The following TCF4 variants were observed in gnomAD, a reference collection of about 807,000 sequenced individuals.
TCF4 encodes SL3-3 enhancer factor 2.
TCF4 carries 3 observed loss-of-function variants against 82.1 expected under a neutral mutation model. That is an observed-to-expected ratio of 0.04 (90% confidence interval 0.02 to 0.09). TCF4 has a LOEUF of 0.09. TCF4 is among the 10% of genes least tolerant of loss of function. TCF4 has a pLI of 1.00. For missense variants in TCF4, 518 were observed against 852.7 expected (o/e 0.61, Z 4.89); for synonymous variants, 276 against 309.6 (o/e 0.89, Z 1.14).
chr18:55,548,701 G>A (rs962159143), intron 3 of TCF4, among the ~76,000 whole-genome samples: 3 of 152,160 alleles, frequency 2.0e-5, no homozygotes, highest in African/African-American at 7.2e-5. Context: ...ATTGCTCCAA[G>A]GCTACAAACC....
intron 8 of TCF4, among the ~76,000 whole-genome samples, chr18:55,311,585 T>G (rs912404379): frequency 2.0e-5 from 3 of 152,240 alleles, no homozygotes; most frequent in South Asian, 4.1e-4. Flanking sequence ...TCGAGGAGTA[T>G]CTTCTTTCAA....
chr18:55,272,042 G>A (rs1311769402), intron 10 of TCF4, among the ~76,000 whole-genome samples: 1 of 152,036 alleles, frequency 6.6e-6, no homozygotes, highest in Non-Finnish European at 1.5e-5. Flanking sequence ...ATCAGAAGAT[G>A]AAACAAAACA....
At chr18:55,366,216 G>T (rs2087076600) in intron 6 of TCF4, among the ~76,000 whole-genome samples, 1 of 152,132 alleles carries the variant, frequency 6.6e-6, no homozygotes, top group Non-Finnish European at 1.5e-5. Context: ...TTGTTCATTT[G>T]AAGGTTCACA....
At position 55,422,220 on chromosome 18, in the gene TCF4, C is replaced by G. The variant is rs1283270837; in HGVS notation, c.305-18702G>C. 5.1e-6 allele frequency: 5 copies of G among 983,440 alleles called. No homozygotes were observed. The East Asian group carries it at 5.7e-4, about 113-fold the overall frequency. 60.9% of individuals were successfully genotyped at this position (983,440 alleles called of 1,614,324 possible). A position where few individuals can be genotyped will look rare whatever the true frequency, so the allele number is the denominator to read the frequency against. ...ATGGGTAGCACGCCGAGGGAGGCAC[C>G]AGAAGATCTAAGCCCAAATACGTGA... On this transcript the variant is annotated intron_variant, in intron 5 of 19. Transcript: ENST00000354452.
chr18:55,363,523 G>A (rs2086032387), intron 6 of TCF4, among the ~76,000 whole-genome samples: 1 of 152,168 alleles, frequency 6.6e-6, no homozygotes, highest in African/African-American at 2.4e-5. Flanking sequence ...ACATTACCCA[G>A]CTGGGCGTAG....
intron 1 of TCF4, among the ~76,000 whole-genome samples, chr18:55,634,197 A>T (rs558511234): frequency 6.6e-6 from 1 of 152,128 alleles, no homozygotes; most frequent in Admixed American, 6.5e-5. Context: ...TGAGCCCAGG[A>T]GGTGGAGGTT....
intron 14 of TCF4, 128 bp downstream of exon 14, chr18:55,257,187 C>G: frequency 1.0e-6 from 1 of 967,760 alleles, no homozygotes. Context: ...CTCCCGCAAA[C>G]CTGTGTGCTT....
At chr18:55,595,188 T>C (rs933456243) in intron 2 of TCF4, among the ~76,000 whole-genome samples, 5 of 152,234 alleles carry the variant, frequency 3.3e-5, no homozygotes, top group African/African-American at 7.2e-5. Flanking sequence ...TGTAACTTCA[T>C]GGACACTAAG....
At chr18:55,231,166 T>G (rs2047823481) in intron 17 of TCF4, 1 of 152,208 alleles carries the variant, frequency 6.6e-6, no homozygotes, top group African/African-American at 2.4e-5. Flanking sequence ...TATTCTACTA[T>G]GCAAATAGGC....
At chr18:55,585,582 C>CA (rs1464755766) in intron 2 of TCF4, 1 of 613,284 alleles carries the variant, frequency 1.6e-6, no homozygotes, top group African/African-American at 1.9e-5. Context: ...ATTAGATGGC[C>CA]AAGCAGTACT....
At chr18:55,360,278 G>T (rs984766469) in intron 6 of TCF4, among the ~76,000 whole-genome samples, 3 of 152,142 alleles carry the variant, frequency 2.0e-5, no homozygotes, top group African/African-American at 7.2e-5. Context: ...CAATAGGCTG[G>T]GTCAGCTAGG....
chr18:55,302,741 A>G, intron 8 of TCF4: 1 of 812,940 alleles, frequency 1.2e-6, no homozygotes. Flanking sequence ...AGCCACCCAA[A>G]TGACCAGGCA....
At chr18:55,486,890 C>T (rs1039602664) in intron 3 of TCF4, among the ~76,000 whole-genome samples, 2 of 152,080 alleles carry the variant, frequency 1.3e-5, no homozygotes, top group Admixed American at 1.3e-4. Flanking sequence ...TTGCCAACCC[C>T]CTCCCCTCCT....
chr18:55,574,385 C>T (rs955084694), intron 3 of TCF4, among the ~76,000 whole-genome samples: 1 of 152,072 alleles, frequency 6.6e-6, no homozygotes, highest in Non-Finnish European at 1.5e-5. Flanking sequence ...AGGGCAGTGG[C>T]GCAATTTCAG....
chr18:55,232,756 C>A, intron 16 of TCF4, 85 bp from the exon 17 acceptor site: 2 of 1,514,268 alleles, frequency 1.3e-6, no homozygotes, highest in South Asian at 1.1e-5. Flanking sequence ...GCAGACAATT[C>A]ATACTGCTGA....
At chr18:55,509,082 C>T (rs1164407592) in intron 3 of TCF4, among the ~76,000 whole-genome samples, 1 of 152,134 alleles carries the variant, frequency 6.6e-6, no homozygotes, top group African/African-American at 2.4e-5. Flanking sequence ...ATAATCCACA[C>T]TAAAAATCAG....
intron 3 of TCF4, among the ~76,000 whole-genome samples, chr18:55,466,562 C>G (rs983298813): frequency 6.6e-6 from 1 of 151,938 alleles, no homozygotes; most frequent in Non-Finnish European, 1.5e-5. Context: ...GATTGAGAAG[C>G]CCTGTGCTAG....
chr18:55,289,690 C>T (rs1443704944), intron 8 of TCF4, among the ~76,000 whole-genome samples: 1 of 152,118 alleles, frequency 6.6e-6, no homozygotes, highest in Non-Finnish European at 1.5e-5. Flanking sequence ...TCTGAAAGCA[C>T]TGTTTTATCA....
chr18:55,506,053 T>C (rs2096756151), intron 3 of TCF4, among the ~76,000 whole-genome samples: 1 of 152,216 alleles, frequency 6.6e-6, no homozygotes, highest in Non-Finnish European at 1.5e-5. Context: ...TGAGAAATGG[T>C]TTCTTCATCT....
Sources: gnomAD v4.1 joint callset for allele counts (sites outside exome capture counted in the v4.1 genomes callset) on GRCh38, gnomAD v4.1.1 for gene constraint, MANE v1.5 for transcripts, NCBI Gene and HGNC (gene_info 2026-07-23, HGNC 2026-07-21) for gene names.